MLLT3: variants seen among roughly 807,000 people sequenced by gnomAD.
The protein encoded by MLLT3 is protein AF-9.
MLLT3 carries 4 observed loss-of-function variants against 53.2 expected under a neutral mutation model. The observed-to-expected ratio is 0.08, with a 90% CI of 0.04 to 0.17. The LOEUF is 0.17. Among genes scored for constraint, MLLT3 ranks in the 10% least tolerant of loss-of-function variants. MLLT3 has a pLI of 1.00. For missense variants in MLLT3, 569 were observed against 684.0 expected (o/e 0.83, Z 1.87); for synonymous variants, 283 against 230.6 (o/e 1.23, Z -2.06).
At chr9:20,547,449 GC>G (rs1290871423) in intron 2 of MLLT3, among the ~76,000 whole-genome samples, 1 of 151,818 alleles carries the variant, frequency 6.6e-6, no homozygotes, top group Non-Finnish European at 1.5e-5. Context: ...TTTACAACCA[GC>G]CCGGCCAACA....
chr9:20,386,687 A>G (rs920759169), intron 5 of MLLT3, among the ~76,000 whole-genome samples: 8 of 152,226 alleles, frequency 5.3e-5, no homozygotes, highest in Non-Finnish European at 1.0e-4. Flanking sequence ...ATGTGACTAC[A>G]TCAAATATTC....
intron 2 of MLLT3, among the ~76,000 whole-genome samples, chr9:20,457,676 T>C (rs2118863638): frequency 6.6e-6 from 1 of 152,238 alleles, no homozygotes; most frequent in South Asian, 2.1e-4. Context: ...CCAATATACA[T>C]GTAAACACTT....
At chr9:20,377,083 T>C (rs538087970) in intron 5 of MLLT3, among the ~76,000 whole-genome samples, 8 of 152,272 alleles carry the variant, frequency 5.3e-5, no homozygotes, top group African/African-American at 1.7e-4. Flanking sequence ...AAGAAAAATG[T>C]TACAAGTGAG....
chr9:20,553,675 T>C (rs958767070), intron 2 of MLLT3, among the ~76,000 whole-genome samples: 46 of 152,310 alleles, frequency 3.0e-4, no homozygotes, highest in African/African-American at 1.1e-3. Flanking sequence ...TTCACTGGAC[T>C]TCCCCCAAAA....
intron 2 of MLLT3, among the ~76,000 whole-genome samples, chr9:20,483,698 CTT>C (rs10538657): frequency 0.29 from 19,643 of 68,146 alleles, 2,126 homozygotes; most frequent in Non-Finnish European, 0.33. Flanking sequence ...CAGTAAAACT[CTT>C]TTTTTTTTTT....
In MLLT3 at chr9:20,414,276, ACTACTGCTGCTGCTGCTGCTG is replaced by A. The variant is rs1822807037; in HGVS notation, c.549_569del (p.Ser184_Ser190del). On this transcript the variant is annotated inframe_deletion, in exon 5 of 11. Coordinates refer to ENST00000380338, the MANE Select transcript of MLLT3 (RefSeq NM_004529.4). ...ATTTGTGAGGCTTTGAAAAACTGGT[ACTACTGCTGCTGCTGCTGCTG>A]CTACTGCTGCTGCTACTGCTGCTGC... 6.2e-7 allele frequency: 1 copy of A among 1,609,904 alleles called. No homozygotes were observed.
chr9:20,352,186 T>C lies in MLLT3; in HGVS notation c.1575+1339A>G, dbSNP rs148744379. 2.2e-3 allele frequency among the ~76,000 whole-genome samples: 341 copies of C among 152,328 alleles called. 2 individuals are homozygous for C. Among genetic ancestry groups the C allele is most frequent in the African/African-American group, 7.9e-3 (329 of 41,576 alleles). On this transcript the variant is annotated intron_variant, in intron 10 of 10. Coordinates refer to ENST00000380338, the MANE Select transcript of MLLT3 (RefSeq NM_004529.4). Reference sequence around the variant, plus strand: ...TGGCCTAGTATCCTTGACTAACTGATAGGGCTTTCTTTGTGAAGATGTCCC... The same window carrying C: ...TGGCCTAGTATCCTTGACTAACTGACAGGGCTTTCTTTGTGAAGATGTCCC...
chr9:20,483,979 G>A (rs1005626891), intron 2 of MLLT3, among the ~76,000 whole-genome samples: 20 of 151,920 alleles, frequency 1.3e-4, no homozygotes, highest in Non-Finnish European at 2.4e-4. Flanking sequence ...CCAAAGTGCT[G>A]GGATTACAGG....
At chr9:20,555,717 C>T (rs1819041039) in intron 2 of MLLT3, among the ~76,000 whole-genome samples, 1 of 152,150 alleles carries the variant, frequency 6.6e-6, no homozygotes, top group African/African-American at 2.4e-5. Flanking sequence ...TCACTAGGCA[C>T]ACTGCCCACG....
intron 2 of MLLT3, among the ~76,000 whole-genome samples, chr9:20,519,216 TAA>T (rs1024156131): frequency 1.3e-5 from 2 of 152,198 alleles, no homozygotes; most frequent in African/African-American, 4.8e-5. Flanking sequence ...CAAATCTGAA[TAA>T]AGTCTGGAAA....
chr9:20,545,856 CA>C (rs5896901), intron 2 of MLLT3, among the ~76,000 whole-genome samples: 1,718 of 99,832 alleles, frequency 0.017, 20 homozygotes, highest in African/African-American at 0.051. Flanking sequence ...CAGTCTCTAC[CA>C]AAAAAAAAAA....
At chr9:20,492,782 T>G (rs1243379013) in intron 2 of MLLT3, among the ~76,000 whole-genome samples, 3 of 151,966 alleles carry the variant, frequency 2.0e-5, no homozygotes, top group African/African-American at 4.8e-5. Flanking sequence ...TATGCTAAAC[T>G]AAGAATTTTA....
intron 2 of MLLT3, among the ~76,000 whole-genome samples, chr9:20,458,552 GA>G (rs570501811): frequency 2.5e-4 from 38 of 152,300 alleles, no homozygotes; most frequent in Admixed American, 2.3e-3. Flanking sequence ...TTTTGAAGGT[GA>G]TTAGGTCATG....
chr9:20,489,968 A>C (rs1413880433), intron 2 of MLLT3, among the ~76,000 whole-genome samples: 1 of 152,332 alleles, frequency 6.6e-6, no homozygotes, highest in East Asian at 1.9e-4. Flanking sequence ...ACCAATGGCA[A>C]GTACTCAAAT....
At chr9:20,586,977 A>G (rs1819983291) in intron 2 of MLLT3, among the ~76,000 whole-genome samples, 1 of 152,170 alleles carries the variant, frequency 6.6e-6, no homozygotes, top group African/African-American at 2.4e-5. Flanking sequence ...TTTCCTAAGT[A>G]GAAGATGTGA....
chr9:20,355,269 G>A (rs1821143355), intron 8 of MLLT3, among the ~76,000 whole-genome samples: 1 of 152,056 alleles, frequency 6.6e-6, no homozygotes, highest in Non-Finnish European at 1.5e-5. Context: ...TGCTGTTTCA[G>A]CATGACTACT....
intron 2 of MLLT3, among the ~76,000 whole-genome samples, chr9:20,566,079 TATATAA>T (rs984453225): frequency 7.0e-6 from 1 of 142,194 alleles, no homozygotes; most frequent in African/African-American, 2.6e-5. Flanking sequence ...TGTATATATA[TATATAA>T]ATATATATAT....
intron 2 of MLLT3, among the ~76,000 whole-genome samples, chr9:20,575,327 C>T (rs1563825392): frequency 6.6e-6 from 1 of 152,122 alleles, no homozygotes; most frequent in African/African-American, 2.4e-5. Flanking sequence ...CTATCTATGG[C>T]AGCTATAGCC....
chr9:20,526,224 G>C (rs1325590253), intron 2 of MLLT3, among the ~76,000 whole-genome samples: 4 of 152,136 alleles, frequency 2.6e-5, no homozygotes, highest in Non-Finnish European at 5.9e-5. Flanking sequence ...ATACAGAAAA[G>C]TGCAATGATA....
Sources: allele counts gnomAD v4.1 joint callset (sites outside exome capture counted in the v4.1 genomes callset), GRCh38; gene constraint gnomAD v4.1.1; transcripts MANE v1.5; gene names NCBI Gene and HGNC (gene_info 2026-07-23, HGNC 2026-07-21).